STXBP6: variants seen among roughly 807,000 people sequenced by gnomAD.
The protein encoded by STXBP6 is syntaxin binding protein 6, also known as syntaxin-binding protein 6.
Under a neutral mutation model 26.9 loss-of-function variants are expected in STXBP6, and 21 were observed. That is an observed-to-expected ratio of 0.78 (90% CI 0.55 to 1.12). The LOEUF is 1.12. STXBP6 is among the 50% of genes most tolerant of loss of function. The probability of loss-of-function intolerance (pLI) is 0.00; values close to 1 mark genes in which losing one functional copy is unlikely to be tolerated. For synonymous variants in STXBP6, 97 were observed against 92.6 expected, an observed-to-expected ratio of 1.05 and a Z score of -0.27; for missense variants, 232 against 257.9, an observed-to-expected ratio of 0.90 and a Z score of 0.69.
At chr14:25,027,041 C>CGG (rs533240031) in intron 1 of STXBP6, among the ~76,000 whole-genome samples, 1 of 152,090 alleles carries the variant, frequency 6.6e-6, no homozygotes, top group African/African-American at 2.4e-5. Flanking sequence ...TTCCCAATTG[C>CGG]GGGGACAGAA....
intron 2 of STXBP6, among the ~76,000 whole-genome samples, chr14:24,892,757 A>C (rs567928312): frequency 6.6e-6 from 1 of 152,276 alleles, no homozygotes; most frequent in East Asian, 1.9e-4. Context: ...GCAGACCATG[A>C]GAGCTGCAAT....
chr14:25,016,300 C>A (rs2075145969), intron 1 of STXBP6, among the ~76,000 whole-genome samples: 1 of 151,806 alleles, frequency 6.6e-6, no homozygotes, highest in Non-Finnish European at 1.5e-5. Flanking sequence ...CTCTATTTTC[C>A]CCAGGGTAGA....
chr14:25,042,319 G>A (rs2075656081), intron 1 of STXBP6, among the ~76,000 whole-genome samples: 1 of 152,208 alleles, frequency 6.6e-6, no homozygotes, highest in African/African-American at 2.4e-5. Flanking sequence ...AGGCAAGCCA[G>A]CCGGGATTAG....
intron 2 of STXBP6, among the ~76,000 whole-genome samples, chr14:24,963,969 C>CA (rs2073636729): frequency 1.4e-5 from 1 of 69,916 alleles, no homozygotes; most frequent in African/African-American, 6.3e-5. Context: ...CAGCAAGTTT[C>CA]TAAAAAAAAA....
intron 4 of STXBP6, among the ~76,000 whole-genome samples, chr14:24,829,522 G>A (rs2068391879): frequency 6.6e-6 from 1 of 152,164 alleles, no homozygotes; most frequent in Admixed American, 6.5e-5. Flanking sequence ...AATATAATCA[G>A]CATCTTTACC....
At chr14:24,864,947 C>T (rs1322783488) in intron 2 of STXBP6, among the ~76,000 whole-genome samples, 1 of 152,136 alleles carries the variant, frequency 6.6e-6, no homozygotes, top group Non-Finnish European at 1.5e-5. Context: ...TCTCTCTCTA[C>T]TGTGTTCGAC....
intron 4 of STXBP6, among the ~76,000 whole-genome samples, chr14:24,826,496 G>A (rs955979986): frequency 5.3e-5 from 8 of 152,184 alleles, no homozygotes; most frequent in Middle Eastern, 3.4e-3. Context: ...ATGAACATTC[G>A]TGAAGGAGGA....
At chr14:24,904,717 T>C (rs1347596959) in intron 2 of STXBP6, among the ~76,000 whole-genome samples, 1 of 152,158 alleles carries the variant, frequency 6.6e-6, no homozygotes, top group Non-Finnish European at 1.5e-5. Context: ...GGCAGCAGTC[T>C]ACAAGCCAGG....
intron 4 of STXBP6, among the ~76,000 whole-genome samples, chr14:24,842,897 C>G (rs1371590534): frequency 1.3e-5 from 2 of 152,116 alleles, no homozygotes; most frequent in African/African-American, 2.4e-5. Flanking sequence ...AGAAATCCAG[C>G]TATTTGTGCA....
chr14:25,025,291 T>C (rs1195349359), intron 1 of STXBP6, among the ~76,000 whole-genome samples: 1 of 152,010 alleles, frequency 6.6e-6, no homozygotes, highest in Non-Finnish European at 1.5e-5. Flanking sequence ...TTAGGGAAAA[T>C]GACATTTTGC....
At chr14:24,955,978 G>GT (rs1256522626) in intron 2 of STXBP6, among the ~76,000 whole-genome samples, 1 of 152,166 alleles carries the variant, frequency 6.6e-6, no homozygotes, top group Admixed American at 6.5e-5. Flanking sequence ...TGGTGTCGGT[G>GT]TAAGACTCAA....
At chr14:24,870,836 T>C (rs544028922) in intron 2 of STXBP6, among the ~76,000 whole-genome samples, 1 of 152,262 alleles carries the variant, frequency 6.6e-6, no homozygotes, top group South Asian at 2.1e-4. Flanking sequence ...CCCCTTCAGA[T>C]CTAAGTAGAA....
At chr14:25,025,020 T>C (rs2075324093) in intron 1 of STXBP6, among the ~76,000 whole-genome samples, 1 of 152,222 alleles carries the variant, frequency 6.6e-6, no homozygotes, top group African/African-American at 2.4e-5. Context: ...AAAGTAAATG[T>C]GTAAGCCTAA....
chr14:25,032,027 A>G lies in STXBP6; in HGVS notation c.-33+17851T>C, dbSNP rs183339226. Among the ~76,000 whole-genome samples the G allele has an allele frequency of 2.5e-3, 383 of 152,324 alleles. 1 individual carries two copies. The highest frequency in any genetic ancestry group is 3.4e-3 in the Non-Finnish European group (231 of 68,022). ...AGAAGAAATATGGTGGTAAATACAG[A>G]AAGAAATACAGACAGGAAGATAGAA... On this transcript the variant is annotated intron_variant, in intron 1 of 5. Transcript: ENST00000323944.
intron 2 of STXBP6, among the ~76,000 whole-genome samples, chr14:24,922,904 C>G (rs1003466895): frequency 1.3e-5 from 2 of 152,006 alleles, no homozygotes; most frequent in Non-Finnish European, 2.9e-5. Context: ...TTTGGATTCA[C>G]TATTCTAATC....
In STXBP6 at chr14:24,899,780, CAA is replaced by C. The variant is rs58367371; in HGVS notation, c.155-42625_155-42624del. ...TGTAAAACAGAGCGAGACTACATTTCAAAAAAAAAAAAAAAAAAAGCAAAAAA... is the reference window on the plus strand; with the variant it reads ...TGTAAAACAGAGCGAGACTACATTTCAAAAAAAAAAAAAAAAAGCAAAAAA... On this transcript the variant is annotated intron_variant, in intron 2 of 5. Coordinates refer to ENST00000323944, the MANE Select transcript of STXBP6 (RefSeq NM_001394410.1). 1.5e-4 allele frequency among the ~76,000 whole-genome samples: 7 copies of C among 46,866 alleles called. No individual in the cohort carries two copies. In the Admixed American group the frequency reaches 1.8e-3, roughly 12 times the overall value. The allele number at this position is 46,866 out of a possible 152,430, so 30.7% of individuals were successfully genotyped here.
intron 2 of STXBP6, among the ~76,000 whole-genome samples, chr14:24,972,886 G>T (rs1011614812): frequency 6.6e-6 from 1 of 152,120 alleles, no homozygotes; most frequent in African/African-American, 2.4e-5. Flanking sequence ...GGAGACCTAA[G>T]TAGGAGGATT....
chr14:24,989,197 C>A (rs575269921), intron 1 of STXBP6, among the ~76,000 whole-genome samples: 1 of 152,312 alleles, frequency 6.6e-6, no homozygotes, highest in South Asian at 2.1e-4. Flanking sequence ...GGCTGCCTCT[C>A]AGGTGACCAT....
At chr14:24,885,116 G>A (rs1162904034) in intron 2 of STXBP6, among the ~76,000 whole-genome samples, 2 of 152,136 alleles carry the variant, frequency 1.3e-5, no homozygotes, top group East Asian at 1.9e-4. Flanking sequence ...TGCCTGCTCT[G>A]GGTAAGATAA....
Sources: gnomAD v4.1 joint callset for allele counts (sites outside exome capture counted in the v4.1 genomes callset) on GRCh38, gnomAD v4.1.1 for gene constraint, MANE v1.5 for transcripts, NCBI Gene and HGNC (gene_info 2026-07-23, HGNC 2026-07-21) for gene names.